The following CACNB2 variants were observed in gnomAD, a reference collection of about 807,000 sequenced individuals.
CACNB2 encodes the protein voltage-dependent L-type calcium channel subunit beta-2.
CACNB2 carries 42 observed loss-of-function variants against 73.3 expected under a neutral mutation model. That is an observed-to-expected ratio of 0.57 (90% confidence interval 0.45 to 0.74). The LOEUF is 0.74. CACNB2 is among the 30% of genes least tolerant of loss of function. CACNB2 has a pLI of 0.00. For missense variants in CACNB2, 940 were observed against 853.0 expected (o/e 1.10, Z -1.27); for synonymous variants, 348 against 310.3 (o/e 1.12, Z -1.28).
chr10:18,192,460 G>T (rs939311929), intron 2 of CACNB2, among the ~76,000 whole-genome samples: 1 of 152,098 alleles, frequency 6.6e-6, no homozygotes, highest in Non-Finnish European at 1.5e-5. Context: ...TGATCCTCCT[G>T]CCTTAGCCTC....
Position 18,221,728 on chromosome 10 carries a change from C to T in CACNB2, c.213+70753C>T, listed in dbSNP as rs559744320. The stretch of plus-strand genomic sequence containing the variant: ...CTTTGTGTTCATGAGCACTGAAAAC[C>T]ATTTTAAAAGACCTTTATAAATTCA... On this transcript the variant is annotated intron_variant, in intron 2 of 13. Coordinates refer to ENST00000324631, the MANE Select transcript of CACNB2 (RefSeq NM_201596.3). Among the ~76,000 whole-genome samples the T allele has an allele frequency of 9.2e-5, 14 of 152,242 alleles. No individual in the cohort carries two copies. The South Asian group carries it at 2.9e-3, about 32-fold the overall frequency.
chr10:18,419,697 T>C (rs2045212022), intron 3 of CACNB2, among the ~76,000 whole-genome samples: 1 of 152,130 alleles, frequency 6.6e-6, no homozygotes, highest in South Asian at 2.1e-4. Flanking sequence ...TTAAAACAAT[T>C]TATTAGCAAC....
intron 3 of CACNB2, among the ~76,000 whole-genome samples, chr10:18,475,462 A>G (rs1034667095): frequency 6.6e-6 from 1 of 152,188 alleles, no homozygotes; most frequent in Non-Finnish European, 1.5e-5. Flanking sequence ...TTTGGAGAGT[A>G]TAAGAGTTTT....
chr10:18,458,398 G>C lies in CACNB2; in HGVS notation c.334-39957G>C, dbSNP rs538349687. ...ATTCCTACTTGCATTGATTCTAAAA[G>C]GTTGTATAAACTGTATGAGGATGGG... On this transcript the variant is annotated intron_variant, in intron 3 of 13. Coordinates refer to ENST00000324631, the MANE Select transcript of CACNB2 (RefSeq NM_201596.3). Among the ~76,000 whole-genome samples the C allele has an allele frequency of 7.3e-4, 111 of 152,216 alleles. 1 individual carries two copies. The highest frequency in any genetic ancestry group is 2.3e-3 in the African/African-American group (97 of 41,540).
chr10:18,358,201 C>T (rs2041999101), intron 2 of CACNB2, among the ~76,000 whole-genome samples: 1 of 152,200 alleles, frequency 6.6e-6, no homozygotes, highest in Non-Finnish European at 1.5e-5. Context: ...ATTCTCCTGC[C>T]TCAGGCTCCT....
chr10:18,310,972 T>C (rs949599472), intron 2 of CACNB2, among the ~76,000 whole-genome samples: 6 of 152,206 alleles, frequency 3.9e-5, no homozygotes, highest in African/African-American at 7.2e-5. Context: ...CCATTGAATT[T>C]TTTTATGCTG....
chr10:18,492,352 G>A (rs2049488107), intron 3 of CACNB2, among the ~76,000 whole-genome samples: 1 of 152,184 alleles, frequency 6.6e-6, no homozygotes, highest in Non-Finnish European at 1.5e-5. Context: ...CGGGCGTGGT[G>A]GCTCACACCT....
chr10:18,376,288 C>G (rs2042795763), intron 2 of CACNB2, among the ~76,000 whole-genome samples: 1 of 151,926 alleles, frequency 6.6e-6, no homozygotes, highest in Non-Finnish European at 1.5e-5. Flanking sequence ...TTGTGTGAAG[C>G]TAAAAATTAA....
intron 2 of CACNB2, chr10:18,261,994 C>A (rs751294080): frequency 1.9e-6 from 1 of 518,908 alleles, no homozygotes; most frequent in South Asian, 1.4e-5. Flanking sequence ...CCGACCAGCT[C>A]CGAGCAAGCG....
At chr10:18,289,450 A>G (rs2038967769) in intron 2 of CACNB2, among the ~76,000 whole-genome samples, 2 of 148,780 alleles carry the variant, frequency 1.3e-5, no homozygotes, top group Admixed American at 6.7e-5. Flanking sequence ...GCCTGACACC[A>G]CACCCAGCTA....
At chr10:18,200,280 G>A (rs1175425970) in intron 2 of CACNB2, among the ~76,000 whole-genome samples, 1 of 151,372 alleles carries the variant, frequency 6.6e-6, no homozygotes, top group Non-Finnish European at 1.5e-5. Context: ...AAGTTTTTTT[G>A]TGTTGAAGAT....
At chr10:18,301,947 G>A (rs950385273) in intron 2 of CACNB2, among the ~76,000 whole-genome samples, 6 of 152,024 alleles carry the variant, frequency 3.9e-5, no homozygotes, top group East Asian at 3.9e-4. Context: ...GCGCCCAGCC[G>A]CCTGTTTCTA....
intron 8 of CACNB2, 72 bp downstream of exon 8, chr10:18,518,488 G>T: frequency 1.9e-6 from 2 of 1,038,978 alleles, no homozygotes. Flanking sequence ...TCCTACTCCC[G>T]ACCCTCTCTC....
chr10:18,200,826 G>A (rs2034846159), intron 2 of CACNB2, among the ~76,000 whole-genome samples: 1 of 152,162 alleles, frequency 6.6e-6, no homozygotes. Context: ...AGGGAAATGA[G>A]TAATTGCCAT....
At chr10:18,478,778 A>C (rs181083659) in intron 3 of CACNB2, among the ~76,000 whole-genome samples, 1 of 152,198 alleles carries the variant, frequency 6.6e-6, no homozygotes, top group African/African-American at 2.4e-5. Flanking sequence ...TAAATTTGTA[A>C]ATAGTCTCTT....
intron 3 of CACNB2, among the ~76,000 whole-genome samples, chr10:18,442,626 A>C (rs2046468199): frequency 6.6e-6 from 1 of 151,430 alleles, no homozygotes; most frequent in Non-Finnish European, 1.5e-5. Context: ...AGATATCAAG[A>C]CCATCCTGGC....
intron 2 of CACNB2, among the ~76,000 whole-genome samples, chr10:18,329,600 G>A (rs898221164): frequency 3.3e-5 from 5 of 151,428 alleles, no homozygotes; most frequent in East Asian, 1.9e-4. Context: ...TTATTTTTGC[G>A]ATTTGCACTA....
intron 3 of CACNB2, among the ~76,000 whole-genome samples, chr10:18,461,889 C>T (rs182816584): frequency 6.3e-4 from 94 of 149,420 alleles, no homozygotes; most frequent in African/African-American, 2.2e-3. Context: ...GGAGTTTATC[C>T]AGTATCTGAT....
At chr10:18,301,035 G>A (rs1310039820) in intron 2 of CACNB2, among the ~76,000 whole-genome samples, 3 of 152,178 alleles carry the variant, frequency 2.0e-5, no homozygotes, top group African/African-American at 7.2e-5. Flanking sequence ...TTACCCAAAA[G>A]TGAAAGTGAG....
Sources: allele counts gnomAD v4.1 joint callset (sites outside exome capture counted in the v4.1 genomes callset), GRCh38; gene constraint gnomAD v4.1.1; transcripts MANE v1.5; gene names NCBI Gene and HGNC (gene_info 2026-07-23, HGNC 2026-07-21).